The following HDAC7 variants were observed in gnomAD, a reference collection of about 807,000 sequenced individuals.
The protein encoded by HDAC7 is histone deacetylase 7.
Under a neutral mutation model 115.5 loss-of-function variants are expected in HDAC7, and 26 were observed. The observed-to-expected ratio is 0.23, with a 90% CI of 0.16 to 0.31. The LOEUF is 0.31. Among genes scored for constraint, HDAC7 ranks in the 10% least tolerant of loss-of-function variants. The probability of loss-of-function intolerance (pLI) is 1.00; values close to 1 mark genes in which losing one functional copy is unlikely to be tolerated. For synonymous variants in HDAC7, 564 were observed against 550.9 expected (o/e 1.02, Z -0.33); for missense variants, 1,068 against 1,329.0 (o/e 0.80, Z 3.05).
At position 47,789,863 on chromosome 12, in the gene HDAC7, C is replaced by T. The variant is rs369848964; in HGVS notation, c.2041G>A (p.Ala681Thr). Residue 681 changes from alanine to threonine, a missense_variant, in exon 17 of 26, where the codon GCT (alanine) becomes ACT (threonine). Around this residue, in one of 6 missense-constraint regions of HDAC7, gnomAD observed 182 missense variants for 301.1 expected, o/e 0.60. Transcript: ENST00000080059. ...LHSSNAARWAAGSVTDLAFKV... is the reference protein window; with the variant it reads ...LHSSNAARWATGSVTDLAFKV... ...AAGGCGAGGTCAGTGACACTGCCAG[C>T]GGCCCAGCGGGCTGCATTGGAGGAA... 168 of 1,613,780 alleles carry T rather than the reference C, an allele frequency of 1.0e-4. No individual in the cohort carries two copies. Among genetic ancestry groups the T allele is most frequent in the Non-Finnish European group, 1.3e-4 (150 of 1,179,996 alleles).
Position 47,819,806 on chromosome 12 carries a change from AGCGGGGGGCTCATGGCGGG to A in HDAC7, c.-40_-22del. ...TGCATCCAGGGGCCGGGGCCCTCAG[AGCGGGGGGCTCATGGCGGG>A]GCGGGGGGCTGGGGCGCCGGCCTCA... On this transcript the variant is annotated 5_prime_UTR_variant, in exon 1 of 26. The change abolishes an upstream ATG in the 5' untranslated region. Transcript: ENST00000080059. 1.6e-5 allele frequency: 3 copies of A among 191,760 alleles called. No individual in the cohort carries two copies. Among genetic ancestry groups the A allele is most frequent in the Non-Finnish European group, 2.0e-5 (3 of 146,918 alleles). 11.9% of individuals were successfully genotyped at this position (191,760 alleles called of 1,614,324 possible).
intron 1 of HDAC7, among the ~76,000 whole-genome samples, chr12:47,816,258 G>A (rs1460752263): frequency 4.6e-5 from 7 of 152,018 alleles, no homozygotes; most frequent in African/African-American, 1.7e-4. Flanking sequence ...ACCCGCATTT[G>A]AGAATCCCAA....
chr12:47,799,452 C>T (rs1374019472), intron 2 of HDAC7, among the ~76,000 whole-genome samples: 2 of 152,260 alleles, frequency 1.3e-5, no homozygotes, highest in African/African-American at 4.8e-5. Context: ...TTTGTTCTGC[C>T]TCCAGCCCCA....
Position 47,795,238 on chromosome 12 carries a change from C to G in HDAC7, c.1230G>C (p.Pro410=). ...GCTCCAGGCGGGGCTGCATGGGGCC[C>G]GGCGGTGGGGGAGCGGTGGCACTGG... The part of the protein sequence containing the change: ...LPPSATAPPP[P]GPMQPRLEQL... The change falls in exon 11 of 26, where the codon CCG becomes CCC. Residue 410 remains proline (P), a synonymous_variant. Coordinates refer to ENST00000080059, the MANE Select transcript of HDAC7 (RefSeq NM_015401.5). The surrounding 1 kb of genome is among the most constrained non-coding windows in gnomAD (Gnocchi z 4.3). 1 of 1,612,742 alleles carries G rather than the reference C, an allele frequency of 6.2e-7. No individual in the cohort carries two copies.
rs747309131 is a variant in HDAC7 at position 47,784,119 on chromosome 12, C to T, written c.2890G>A (p.Ala964Thr). Reference protein sequence around the residue: ...ADKEEVEAVTALASLSVGILA... With the variant: ...ADKEEVEAVTTLASLSVGILA... ...ATGCCCACAGAGAGGGACGCCAGTGCGGTCACTGCCTCCACTTCTTCTTTG... is the reference window on the plus strand; with the variant it reads ...ATGCCCACAGAGAGGGACGCCAGTGTGGTCACTGCCTCCACTTCTTCTTTG... The change falls in exon 25 of 26, where the codon GCA becomes ACA. Residue 964 changes from alanine to threonine, a missense_variant. Around this residue, in one of 6 missense-constraint regions of HDAC7, gnomAD observed 98 missense variants for 123.9 expected, o/e 0.79. Coordinates refer to ENST00000080059, the MANE Select transcript of HDAC7 (RefSeq NM_015401.5). 3.1e-6 allele frequency: 5 copies of T among 1,613,646 alleles called. No homozygotes were observed. Among genetic ancestry groups the T allele is most frequent in the East Asian group, 2.2e-5 (1 of 44,892 alleles).
chr12:47,803,191 C>T lies in HDAC7; in HGVS notation c.20-917G>A, dbSNP rs1040249317. 6.6e-6 allele frequency among the ~76,000 whole-genome samples: 1 copy of T among 152,166 alleles called. No homozygotes were observed. Among genetic ancestry groups the T allele is most frequent in the Admixed American group, 6.5e-5 (1 of 15,286 alleles). On this transcript the variant is annotated intron_variant, in intron 1 of 25. Coordinates refer to ENST00000080059, the MANE Select transcript of HDAC7 (RefSeq NM_015401.5). This position sits in a 1 kb window ranked among gnomAD's most constrained non-coding sequence, Gnocchi z 4.0. ...ACCTGTCCAGGACAGACACCTTTCC[C>T]TCTTGCTGTCCAGTTCAGGGTCAAG...
intron 16 of HDAC7, chr12:47,790,634 A>AT: frequency 6.4e-6 from 1 of 156,926 alleles, no homozygotes; most frequent in East Asian, 1.9e-4. Flanking sequence ...TCCCTCCGGA[A>AT]TGAGGCCTCC....
In HDAC7 at chr12:47,799,117, G is replaced by T. The variant is rs1016631200; in HGVS notation, c.71-145C>A. The T allele has an allele frequency of 8.4e-6, 5 of 597,186 alleles. No homozygotes were observed. The Admixed American group carries it at 1.8e-4, about 22-fold the overall frequency. 37.0% of individuals were successfully genotyped at this position (597,186 alleles called of 1,614,324 possible). The stretch of plus-strand genomic sequence containing the variant: ...GGGTTTTTCCTCACTTAATCCTGTC[G>T]TGGTCCTGCAAGGTAGGTATTATCA... On this transcript the variant is annotated intron_variant, in intron 2 of 25. Coordinates refer to ENST00000080059, the MANE Select transcript of HDAC7 (RefSeq NM_015401.5).
rs768005459 is a variant in HDAC7, at chr12:47,786,654, C to T, written c.2503G>A (p.Val835Met). Residue 835 changes from valine to methionine, a missense_variant, in exon 22 of 26, where the codon GTG becomes ATG. This residue lies in a region of HDAC7 where 182 missense variants were observed against 301.1 expected (regional missense o/e 0.60). Transcript: ENST00000080059. ...TCAGCAGCATCAAATCCAGCAGACA[C>T]CAGGACTAGGTCTGGAGAGAACTCT... The part of the protein sequence containing the change: ...AREFSPDLVL[V>M]SAGFDAAEGH... 6.2e-7 allele frequency: 1 copy of T among 1,614,142 alleles called. No individual in the cohort carries two copies. Among genetic ancestry groups the T allele is most frequent in the Non-Finnish European group, 8.5e-7 (1 of 1,180,038 alleles).
Position 47,794,932 on chromosome 12 carries a change from C to T in HDAC7, c.1286G>A (p.Arg429Lys). The T allele has an allele frequency of 6.2e-7, 1 of 1,610,484 alleles. No homozygotes were observed. The highest frequency in any genetic ancestry group is 8.5e-7 in the Non-Finnish European group (1 of 1,178,842). ...QLKTHVQVIK[R>K]SAKPSEKPRL... is the part of the protein sequence containing the mutation. The stretch of plus-strand genomic sequence containing the variant: ...GGGCTTCTCACTCGGCTTGGCTGAC[C>T]TCTGGGGAGGGGAGAACCTGGCTGA... Residue 429 changes from arginine to lysine, a missense_variant and splice_region_variant, in exon 12 of 26, where the codon AGG becomes AAG. Arg to Lys is a conservative substitution (Grantham distance 26). Around this residue, in one of 6 missense-constraint regions of HDAC7, gnomAD observed 618 missense variants for 701.5 expected, o/e 0.88. Transcript: ENST00000080059.
At chr12:47,786,037 G>C in intron 22 of HDAC7, 152 bp from the exon 23 acceptor site, 5 of 800,132 alleles carry the variant, frequency 6.2e-6, no homozygotes, top group Non-Finnish European at 7.6e-6. Context: ...ATTGAATGTC[G>C]TACAAAACCT....
chr12:47,796,781 C>G (rs987765748), intron 7 of HDAC7, among the ~76,000 whole-genome samples: 2 of 152,236 alleles, frequency 1.3e-5, no homozygotes, highest in Non-Finnish European at 2.9e-5. Flanking sequence ...CCTACAGCAC[C>G]TTTGCATAAT....
chr12:47,806,545 C>T (rs1290268622), intron 1 of HDAC7, among the ~76,000 whole-genome samples: 1 of 152,066 alleles, frequency 6.6e-6, no homozygotes, highest in African/African-American at 2.4e-5. Context: ...AAAAATTAGT[C>T]AGGCATGGTG....
chr12:47,789,203 G>C, intron 19 of HDAC7, 58 bp downstream of exon 19: 1 of 1,304,530 alleles, frequency 7.7e-7, no homozygotes, highest in Non-Finnish European at 1.1e-6. Context: ...CTAACATCAG[G>C]CTCAGGGCTT....
At chr12:47,784,786 A>T (rs1486890763) in intron 24 of HDAC7, 1 of 1,535,486 alleles carries the variant, frequency 6.5e-7, no homozygotes, top group Non-Finnish European at 8.7e-7. Context: ...AATCTGGCTC[A>T]GTGTGAGGGC....
At chr12:47,808,427 C>G (rs1446959142) in intron 1 of HDAC7, among the ~76,000 whole-genome samples, 1 of 152,136 alleles carries the variant, frequency 6.6e-6, no homozygotes, top group Admixed American at 6.5e-5. Context: ...AGCATCCTCC[C>G]TGGTTCTTTG....
At chr12:47,783,982 G>C in intron 25 of HDAC7, 96 bp from the exon 26 acceptor site, 1 of 1,601,836 alleles carries the variant, frequency 6.2e-7, no homozygotes, top group Non-Finnish European at 8.5e-7. Flanking sequence ...AAGCCTGGGA[G>C]GGTTGGGGTG....
intron 19 of HDAC7, 182 bp from the exon 20 acceptor site, chr12:47,788,346 T>C: frequency 1.6e-6 from 1 of 608,960 alleles, no homozygotes; most frequent in Non-Finnish European, 2.6e-6. Context: ...GCTCTGAACC[T>C]CGGCCTCTCT....
chr12:47,813,083 T>G (rs1288073681), intron 1 of HDAC7: 1 of 152,158 alleles, frequency 6.6e-6, no homozygotes, highest in African/African-American at 2.4e-5. Flanking sequence ...GCAAACATCG[T>G]CCGCCGCCCG....
Sources: gnomAD v4.1 joint callset for allele counts (sites outside exome capture counted in the v4.1 genomes callset) on GRCh38, gnomAD v4.1.1 for gene constraint, gnomAD v4.1.1 regional missense constraint, Gnocchi (gnomAD v3.1) non-coding constraint, MANE v1.5 for transcripts, NCBI Gene and HGNC (gene_info 2026-07-23, HGNC 2026-07-21) for gene names.